Variants in HORMAD2 observed in about 807,000 individuals in gnomAD.
HORMAD2 encodes the protein HORMA domain containing 2, also known as HORMA domain-containing protein 2.
HORMAD2 carries 45 observed loss-of-function variants against 38.8 expected under a neutral mutation model. The ratio of observed to expected loss-of-function variants is 1.16; its 90% CI spans 0.91 to 1.49. HORMAD2 has a LOEUF of 1.49. HORMAD2 is among the 40% of genes most tolerant of loss of function. The pLI is 0.00. For missense variants in HORMAD2, 338 were observed against 367.0 expected, an observed-to-expected ratio of 0.92 and a Z score of 0.65; for synonymous variants, 126 against 122.8, an observed-to-expected ratio of 1.03 and a Z score of -0.17.
the HORMAD2 span, among the ~76,000 whole-genome samples, chr22:30,206,156 A>T: frequency 4.1e-4 from 62 of 151,780 alleles, no homozygotes; most frequent in Non-Finnish European, 6.3e-4. Flanking sequence ...ACCGAGACCC[A>T]GAGAGTTTTT....
chr22:30,133,031 C>T (rs1221582481), intron 10 of HORMAD2, among the ~76,000 whole-genome samples: 1 of 151,898 alleles, frequency 6.6e-6, no homozygotes, highest in Non-Finnish European at 1.5e-5. Context: ...AAAGAGATGC[C>T]TCTAATAATA....
intron 1 of HORMAD2, among the ~76,000 whole-genome samples, chr22:30,082,565 G>A (rs552396439): frequency 6.6e-6 from 1 of 151,970 alleles, no homozygotes. Flanking sequence ...CCAAGAGTTC[G>A]AGGCCAGTCT....
At chr22:30,158,655 CTCTATCTCTT>C (rs1276009309) in intron 10 of HORMAD2, among the ~76,000 whole-genome samples, 1 of 138,032 alleles carries the variant, frequency 7.2e-6, no homozygotes, top group Non-Finnish European at 1.6e-5. Flanking sequence ...TCCTGTCTCT[CTCTATCTCTT>C]TCCCCCTCCC....
At chr22:30,203,394 C>A in the HORMAD2 span, among the ~76,000 whole-genome samples, 134 of 127,796 alleles carry the variant, frequency 1.0e-3, no homozygotes, top group East Asian at 1.9e-3. Flanking sequence ...GACTCTGTCT[C>A]AAAAAAAAAA....
intron 10 of HORMAD2, among the ~76,000 whole-genome samples, chr22:30,152,326 T>C (rs527386211): frequency 3.3e-5 from 5 of 151,300 alleles, no homozygotes; most frequent in Non-Finnish European, 7.4e-5. Flanking sequence ...GCCTCCCAAG[T>C]AGCTGGAACC....
chr22:30,158,295 C>G (rs1185208935), intron 10 of HORMAD2, among the ~76,000 whole-genome samples: 1 of 151,790 alleles, frequency 6.6e-6, no homozygotes, highest in Admixed American at 6.6e-5. Flanking sequence ...AGTTTGGTTC[C>G]TACATAATCA....
chr22:30,204,076 G>C, the HORMAD2 span, among the ~76,000 whole-genome samples: 138,519 of 152,232 alleles, frequency 0.91, 63,130 homozygotes, highest in East Asian at 1. Context: ...CATACACAAA[G>C]CCCTTTTGAG....
At chr22:30,090,015 T>C (rs2068653719) in intron 1 of HORMAD2, among the ~76,000 whole-genome samples, 1 of 152,240 alleles carries the variant, frequency 6.6e-6, no homozygotes, top group African/African-American at 2.4e-5. Context: ...CTTAGCATAA[T>C]GTTTTCAAGA....
the HORMAD2 span, among the ~76,000 whole-genome samples, chr22:30,206,533 G>T: frequency 6.6e-6 from 1 of 151,986 alleles, no homozygotes; most frequent in Non-Finnish European, 1.5e-5. Context: ...TCCAGGTTAG[G>T]GTGCAGTGGT....
chr22:30,163,254 T>C (rs775010073), intron 10 of HORMAD2, among the ~76,000 whole-genome samples: 28 of 147,178 alleles, frequency 1.9e-4, no homozygotes, highest in Non-Finnish European at 3.9e-4. Flanking sequence ...TGAACATGAC[T>C]CTTTGTGCAT....
At chr22:30,099,417 A>G (rs1462553892) in intron 3 of HORMAD2, among the ~76,000 whole-genome samples, 1 of 152,222 alleles carries the variant, frequency 6.6e-6, no homozygotes, top group Non-Finnish European at 1.5e-5. Flanking sequence ...AAAAAAGCCA[A>G]ACTCACTTGT....
chr22:30,172,744 T>C (rs761372861), intron 10 of HORMAD2, among the ~76,000 whole-genome samples: 11 of 151,982 alleles, frequency 7.2e-5, no homozygotes, highest in Non-Finnish European at 1.0e-4. Context: ...AAAAATTAGC[T>C]GGGCGTGGTG....
chr22:30,199,772 C>T, the HORMAD2 span, among the ~76,000 whole-genome samples: 6 of 151,024 alleles, frequency 4.0e-5, no homozygotes, highest in African/African-American at 1.2e-4. Flanking sequence ...GGTTGAATTC[C>T]CATCACCATT....
chr22:30,181,716 A>T (rs1926727370), downstream of HORMAD2, among the ~76,000 whole-genome samples: 1 of 152,258 alleles, frequency 6.6e-6, no homozygotes. Context: ...CGTAGAACAT[A>T]GACCCAATGG....
At chr22:30,203,468 A>G in the HORMAD2 span, among the ~76,000 whole-genome samples, 2 of 151,708 alleles carry the variant, frequency 1.3e-5, no homozygotes, top group African/African-American at 4.8e-5. Flanking sequence ...GTCTCGAAAA[A>G]CATCTGGAAG....
At chr22:30,123,740 A>G (rs538487785) in intron 10 of HORMAD2, among the ~76,000 whole-genome samples, 1 of 152,010 alleles carries the variant, frequency 6.6e-6, no homozygotes, top group East Asian at 1.9e-4. Flanking sequence ...AGTTGATCAC[A>G]GCTCACTGCA....
the HORMAD2 span, among the ~76,000 whole-genome samples, chr22:30,200,787 T>A: frequency 6.7e-6 from 1 of 149,978 alleles, no homozygotes; most frequent in African/African-American, 2.5e-5. Context: ...TCTGGCTCTG[T>A]CAGCCAGGCT....
intron 1 of HORMAD2, among the ~76,000 whole-genome samples, chr22:30,088,044 C>T (rs78548810): frequency 0.13 from 12,030 of 94,916 alleles, 572 homozygotes; most frequent in African/African-American, 0.27. Flanking sequence ...TGTGTATACA[C>T]ACGTACACAC....
Position 30,093,829 on chromosome 22 carries a change from G to C in HORMAD2, c.-37-87G>C, listed in dbSNP as rs1440729793. 4.9e-6 allele frequency: 3 copies of C among 606,386 alleles called. No individual in the cohort carries two copies. The African/African-American group carries it at 5.8e-5, about 12-fold the overall frequency. The allele number at this position is 606,386 out of a possible 1,614,324, so 37.6% of individuals were successfully genotyped here. A position where few individuals can be genotyped will look rare whatever the true frequency, so the allele number is the denominator to read the frequency against. ...GATTTTAATTTTTTGTTTGCTTTTA[G>C]ACTTTTTCAGTTTCATTTTTGGGCA... On this transcript the variant is annotated intron_variant, in intron 1 of 10. Coordinates refer to ENST00000336726, the MANE Select transcript of HORMAD2 (RefSeq NM_152510.4).
Sources: allele counts gnomAD v4.1 joint callset (sites outside exome capture counted in the v4.1 genomes callset), GRCh38; gene constraint gnomAD v4.1.1; transcripts MANE v1.5; gene names NCBI Gene and HGNC (gene_info 2026-07-23, HGNC 2026-07-21).